ZNF420: variants seen among roughly 807,000 people sequenced by gnomAD.
The protein encoded by ZNF420 is ATM and p53-associated KZNF protein.
ZNF420 carries 31 observed loss-of-function variants against 44.7 expected under a neutral mutation model. The observed-to-expected ratio is 0.69, with a 90% CI of 0.52 to 0.94. ZNF420 has a LOEUF of 0.94. ZNF420 is among the 40% of genes least tolerant of loss of function. The pLI, the probability that ZNF420 is intolerant of heterozygous loss-of-function variation, is 0.00. For missense variants in ZNF420, 681 were observed against 827.9 expected (o/e 0.82, Z 2.18); for synonymous variants, 245 against 267.4 (o/e 0.92, Z 0.82).
chr19:37,100,245 GA>G (rs1481562513), intron 4 of ZNF420, among the ~76,000 whole-genome samples: 2 of 152,108 alleles, frequency 1.3e-5, no homozygotes, highest in African/African-American at 4.8e-5. Context: ...CCTTCTTGTT[GA>G]AAATCAGTTG....
At chr19:37,088,602 T>C (rs1051123502) in intron 2 of ZNF420, among the ~76,000 whole-genome samples, 1 of 152,242 alleles carries the variant, frequency 6.6e-6, no homozygotes, top group Non-Finnish European at 1.5e-5. Context: ...TTAGCCTTTA[T>C]TTCAAAATGT....
chr19:37,129,025 TGAC>T lies in ZNF420; in HGVS notation c.2035_2037del (p.Asp679del). On this transcript the variant is annotated inframe_deletion, in exon 5 of 5. Coordinates refer to ENST00000337995, the MANE Select transcript of ZNF420 (RefSeq NM_144689.5). Reference sequence around the variant, plus strand: ...CTTTTGAATATAAGGAATGTGGGATTGACTTTAGTCATGGCTCACAAGTTTACA... The same window carrying T: ...CTTTTGAATATAAGGAATGTGGGATTTTTAGTCATGGCTCACAAGTTTACA... The T allele has an allele frequency of 6.2e-7, 1 of 1,612,772 alleles. No homozygotes were observed. The highest frequency in any genetic ancestry group is 8.5e-7 in the Non-Finnish European group (1 of 1,178,892).
intron 1 of ZNF420, among the ~76,000 whole-genome samples, chr19:37,056,109 T>C (rs1336189033): frequency 6.6e-6 from 1 of 151,156 alleles, no homozygotes; most frequent in Non-Finnish European, 1.5e-5. Flanking sequence ...TCTCTCTCTT[T>C]CTCTTTCTGT....
chr19:37,054,160 G>T lies in ZNF420; in HGVS notation c.-124-26185G>T, dbSNP rs181554680. Among the ~76,000 whole-genome samples, 276 of 152,350 alleles carry T rather than the reference G, an allele frequency of 1.8e-3. 1 individual carries two copies. The highest frequency in any genetic ancestry group is 4.1e-3 in the African/African-American group (171 of 41,588). The stretch of plus-strand genomic sequence containing the variant: ...CATGGGCATAGGACCCTCTGAGCCA[G>T]GCATGGGATATAATCTCCTGGTGTG... On this transcript the variant is annotated intron_variant, in intron 1 of 4. Coordinates refer to the ZNF420 transcript ENST00000587029.
At chr19:37,125,417 T>G (rs1971292012) in intron 4 of ZNF420, among the ~76,000 whole-genome samples, 3 of 152,052 alleles carry the variant, frequency 2.0e-5, no homozygotes, top group East Asian at 1.9e-4. Context: ...GATCATAGAT[T>G]TAGTATGGAG....
chr19:37,081,872 A>T (rs1384660998), intron 2 of ZNF420, among the ~76,000 whole-genome samples: 1 of 151,542 alleles, frequency 6.6e-6, no homozygotes, highest in African/African-American at 2.4e-5. Context: ...ATGCTCTGTT[A>T]TTAGGTATAG....
Position 37,078,459 on chromosome 19 carries a change from AG to A in ZNF420, c.-233del, listed in dbSNP as rs1599637328. On this transcript the variant is annotated 5_prime_UTR_variant, in exon 1 of 5. Coordinates refer to ENST00000337995, the MANE Select transcript of ZNF420 (RefSeq NM_144689.5). Reference sequence around the variant, plus strand: ...AGATTTGGAGGCCTCGCGTGGGGAGAGGGCCGCGTCTGTGGAGGAGCTTGGC... The same window carrying A: ...AGATTTGGAGGCCTCGCGTGGGGAGAGGCCGCGTCTGTGGAGGAGCTTGGC... 1 of 152,168 alleles carries A rather than the reference AG, an allele frequency of 6.6e-6. No individual in the cohort carries two copies. Among genetic ancestry groups the A allele is most frequent in the East Asian group, 1.9e-4 (1 of 5,158 alleles). The allele number at this position is 152,168 out of a possible 1,614,324, so 9.4% of individuals were successfully genotyped here.
At chr19:37,084,382 ATAG>A (rs1968640958) in intron 2 of ZNF420, among the ~76,000 whole-genome samples, 1 of 152,106 alleles carries the variant, frequency 6.6e-6, no homozygotes. Context: ...TTTTGTGATT[ATAG>A]TTATAGAAAA....
intron 4 of ZNF420, among the ~76,000 whole-genome samples, chr19:37,096,351 G>A (rs937201242): frequency 1.3e-5 from 2 of 151,790 alleles, no homozygotes; most frequent in Non-Finnish European, 1.5e-5. Flanking sequence ...GCTGTTTCTT[G>A]TATCCATGGG....
intron 1 of ZNF420, among the ~76,000 whole-genome samples, chr19:37,061,602 A>G (rs943787501): frequency 6.6e-6 from 1 of 152,232 alleles, no homozygotes; most frequent in African/African-American, 2.4e-5. Context: ...AATTAGCATC[A>G]TGAGAAAACA....
At position 37,127,507 on chromosome 19, in the gene ZNF420, C is replaced by T. The variant is rs145681650; in HGVS notation, c.516C>T (p.Cys172=). The change falls in exon 5 of 5, where the codon TGC becomes TGT. Residue 172 remains cysteine (C), a synonymous_variant. Coordinates refer to ENST00000337995, the MANE Select transcript of ZNF420 (RefSeq NM_144689.5). ...TGEKPYECKQ[C]GKAFSRDSQL... The stretch of plus-strand genomic sequence containing the variant: ...AAAAACCCTATGAATGTAAGCAATG[C>T]GGGAAGGCCTTTAGTCGTGATTCAC... 1.4e-5 allele frequency: 23 copies of T among 1,613,316 alleles called. No homozygotes were observed. The highest frequency in any genetic ancestry group is 8.8e-5 in the South Asian group (8 of 91,044).
chr19:37,049,754 C>A (rs1271397966), intron 1 of ZNF420, among the ~76,000 whole-genome samples: 1 of 152,152 alleles, frequency 6.6e-6, no homozygotes, highest in Non-Finnish European at 1.5e-5. Context: ...GCTTTTGTTG[C>A]CATTGCTTTT....
intron 1 of ZNF420, among the ~76,000 whole-genome samples, chr19:37,024,199 A>G (rs1456175049): frequency 6.6e-6 from 1 of 152,038 alleles, no homozygotes; most frequent in East Asian, 1.9e-4. Flanking sequence ...AAATCTACCT[A>G]TGACCTGGAG....
Position 37,129,980 on chromosome 19 carries a change from C to A in ZNF420, c.*922C>A, listed in dbSNP as rs546246531. 1.4e-6 allele frequency: 2 copies of A among 1,453,064 alleles called. No individual in the cohort carries two copies. The highest frequency in any genetic ancestry group is 5.4e-5 in the Admixed American group (2 of 37,272). The allele number at this position is 1,453,064 out of a possible 1,614,324, so 90.0% of individuals were successfully genotyped here. On this transcript the variant is annotated 3_prime_UTR_variant, in exon 5 of 5. Transcript: ENST00000337995. ...GTTTGTGATACAGACTGCTTTTTTC[C>A]TACCCTATATCTATTTTCTCTTTTT...
chr19:37,048,628 A>G (rs1967581507), intron 1 of ZNF420, among the ~76,000 whole-genome samples: 1 of 152,254 alleles, frequency 6.6e-6, no homozygotes, highest in Admixed American at 6.5e-5. Flanking sequence ...CCAGCATCAC[A>G]AATGACTTAA....
rs551322587 is a variant in ZNF420 at position 37,067,651 on chromosome 19, CAAAT to C, written c.-124-12690_-124-12687del. Reference sequence around the variant, plus strand: ...CTTTCAAGAATTAGAAGTTTTTAGACAAATAAAGACAGAAGTTTTCAACAATAGA... The same window carrying C: ...CTTTCAAGAATTAGAAGTTTTTAGACAAAGACAGAAGTTTTCAACAATAGA... On this transcript the variant is annotated intron_variant, in intron 1 of 4. Coordinates refer to the ZNF420 transcript ENST00000587029. Among the ~76,000 whole-genome samples, 50 of 152,054 alleles carry C rather than the reference CAAAT, an allele frequency of 3.3e-4. 1 individual carries two copies. The highest frequency in any genetic ancestry group is 2.2e-3 in the Admixed American group (34 of 15,268).
chr19:37,116,984 G>A (rs879459763), intron 4 of ZNF420, among the ~76,000 whole-genome samples: 7 of 152,210 alleles, frequency 4.6e-5, no homozygotes, highest in Non-Finnish European at 7.3e-5. Flanking sequence ...GCCCACCACA[G>A]CTAAAGGAGG....
chr19:37,093,154 T>TGGCAAGAGAGGG (rs1231073808), intron 4 of ZNF420: 1 of 151,734 alleles, frequency 6.6e-6, no homozygotes, highest in Non-Finnish European at 1.5e-5. Context: ...GGTGTGTCAC[T>TGGCAAGAGAGGG]GGCAAGAGAG....
intron 1 of ZNF420, among the ~76,000 whole-genome samples, chr19:37,056,543 T>A (rs773534773): frequency 4.6e-5 from 7 of 152,088 alleles, no homozygotes; most frequent in Non-Finnish European, 1.0e-4. Context: ...CCCCAGGGCT[T>A]TGGGAAGCAG....
Sources: gnomAD v4.1 joint callset for allele counts (sites outside exome capture counted in the v4.1 genomes callset) on GRCh38, gnomAD v4.1.1 for gene constraint, MANE v1.5 for transcripts, NCBI Gene and HGNC (gene_info 2026-07-23, HGNC 2026-07-21) for gene names.